The following TMEM80 variants were observed in gnomAD, a reference collection of about 807,000 sequenced individuals.
TMEM80 encodes transmembrane protein 80.
TMEM80 carries 16 observed loss-of-function variants against 13.6 expected under a neutral mutation model. That is an observed-to-expected ratio of 1.17 (90% CI 0.79 to 1.78). TMEM80 has a LOEUF of 1.78. TMEM80 is among the 40% of genes most tolerant of loss of function. TMEM80 has a pLI of 0.00. For synonymous variants in TMEM80, 92 were observed against 89.5 expected, an observed-to-expected ratio of 1.03 and a Z score of -0.16; for missense variants, 167 against 184.6, an observed-to-expected ratio of 0.90 and a Z score of 0.55.
At chr11:700,557 G>C in intron 3 of TMEM80, 58 bp from the exon 4 acceptor site, 2 of 1,343,322 alleles carry the variant, frequency 1.5e-6, no homozygotes, top group Non-Finnish European at 2.1e-6. Context: ...GGCAAGCTGA[G>C]GTGGCTGCTG....
rs1861591405 is a variant in TMEM80 at position 703,437 on chromosome 11, C to T, written c.*287C>T. 6 of 1,289,588 alleles carry T rather than the reference C, an allele frequency of 4.7e-6. No individual in the cohort carries two copies. Among genetic ancestry groups the T allele is most frequent in the Admixed American group, 4.0e-5 (1 of 24,982 alleles). The allele number at this position is 1,289,588 out of a possible 1,614,324, so 79.9% of individuals were successfully genotyped here. The stretch of plus-strand genomic sequence containing the variant: ...GCACACTCAGCCCTGTCAGTGGGGT[C>T]TGGCTTTAGCAGCCAGGCCTCCACA... On this transcript the variant is annotated 3_prime_UTR_variant, in exon 5 of 5. Transcript: ENST00000397510.
chr11:704,325 G>A (rs1040340461), downstream of TMEM80: 39 of 781,864 alleles, frequency 5.0e-5, no homozygotes, highest in Middle Eastern at 5.1e-4. Flanking sequence ...GGGCTCCCTC[G>A]GCTGGGGTGG....
At chr11:701,920 G>A (rs971567806) in intron 4 of TMEM80, among the ~76,000 whole-genome samples, 2 of 152,210 alleles carry the variant, frequency 1.3e-5, no homozygotes, top group Admixed American at 1.3e-4. Context: ...TGGCCAGCGG[G>A]GTGCAGACTT....
intron 2 of TMEM80, chr11:699,589 A>C (rs1486755209): frequency 6.5e-6 from 1 of 154,556 alleles, no homozygotes; most frequent in African/African-American, 2.4e-5. Context: ...CCTACTAAAA[A>C]TACAAAAAAT....
At chr11:704,521 C>T (rs925460347), downstream of TMEM80, 1 of 1,289,452 alleles carries the variant, frequency 7.8e-7, no homozygotes, top group Non-Finnish European at 1.0e-6. Flanking sequence ...ACCTCCCTCA[C>T]CAGCGCCTGC....
chr11:704,092 G>A lies in TMEM80; in HGVS notation c.*942G>A, dbSNP rs181408130. On this transcript the variant is annotated 3_prime_UTR_variant, in exon 5 of 5. Transcript: ENST00000397510. ...AATATCTAGATATTTTCTCTTCACCGCATTTTGTAAATAAAGAGATGTGTA... is the reference window on the plus strand; with the variant it reads ...AATATCTAGATATTTTCTCTTCACCACATTTTGTAAATAAAGAGATGTGTA... 2.5e-5 allele frequency: 27 copies of A among 1,098,500 alleles called. No homozygotes were observed. The highest frequency in any genetic ancestry group is 4.7e-5 in the Admixed American group (1 of 21,096). 68.0% of individuals were successfully genotyped at this position (1,098,500 alleles called of 1,614,324 possible). A position where few individuals can be genotyped will look rare whatever the true frequency, so the allele number is the denominator to read the frequency against.
downstream of TMEM80, chr11:704,756 A>G (rs994587520): frequency 2.8e-5 from 22 of 778,114 alleles, 1 homozygote; most frequent in African/African-American, 3.9e-4. Context: ...CCGAGAGGCC[A>G]GCCTGGACTG....
At chr11:695,790 G>A (rs1377498595), upstream of TMEM80, 2 of 1,236,186 alleles carry the variant, frequency 1.6e-6, no homozygotes, top group Non-Finnish European at 2.0e-6. Context: ...CCGAGAGGCT[G>A]CCGGGATCGC....
Position 698,881 on chromosome 11 carries a change from C to T in TMEM80, c.32C>T (p.Ser11Phe). 6.2e-7 allele frequency: 1 copy of T among 1,614,162 alleles called. No individual in the cohort carries two copies. Among genetic ancestry groups the T allele is most frequent in the Non-Finnish European group, 8.5e-7 (1 of 1,180,034 alleles). MAAPRRGRGSSTVLSSVPLQM... is the reference protein window; with the variant it reads MAAPRRGRGSFTVLSSVPLQM... ...CTTTCTCTTTCAGGGAGAGGATCCT[C>T]CACAGTGGTATCCTGCTGCGTGCCC... is the stretch of plus-strand genomic sequence containing the variant. Residue 11 changes from serine (S) to phenylalanine (F), a missense_variant, in exon 2 of 5, where the codon TCC (serine) becomes TTC (phenylalanine). Transcript: ENST00000397510.
chr11:699,021 T>A, intron 2 of TMEM80, 133 bp downstream of exon 2: 1 of 1,070,078 alleles, frequency 9.3e-7, no homozygotes, highest in Non-Finnish European at 1.4e-6. Context: ...GGGGTGTTCC[T>A]TGACAGATTT....
intron 1 of TMEM80, 96 bp downstream of exon 1, chr11:695,942 G>C: frequency 2.1e-6 from 2 of 972,700 alleles, no homozygotes; most frequent in East Asian, 6.6e-5. Flanking sequence ...GTGCGCTCAC[G>C]GGGCCGTGCC....
downstream of TMEM80, chr11:704,273 C>T (rs1177289140): frequency 6.9e-6 from 5 of 726,454 alleles, no homozygotes; most frequent in African/African-American, 1.9e-5. Flanking sequence ...TCGGTGGACT[C>T]CTGAGGGCAG....
chr11:696,075 C>T (rs1861139142), intron 1 of TMEM80, among the ~76,000 whole-genome samples: 1 of 152,030 alleles, frequency 6.6e-6, no homozygotes, highest in Non-Finnish European at 1.5e-5. Flanking sequence ...TGGCCCCGGG[C>T]AGGGTGGGTG....
At chr11:696,317 G>C (rs1310167232) in intron 1 of TMEM80, among the ~76,000 whole-genome samples, 1 of 152,082 alleles carries the variant, frequency 6.6e-6, no homozygotes, top group Admixed American at 6.6e-5. Flanking sequence ...GCCTTCTGCT[G>C]TCTGTGGGTA....
intron 2 of TMEM80, chr11:699,919 G>A: frequency 1.8e-6 from 1 of 549,258 alleles, no homozygotes; most frequent in Non-Finnish European, 3.3e-6. Context: ...CATTGTTGTG[G>A]CATGGAGGGG....
At chr11:700,954 G>T in intron 4 of TMEM80, 1 of 552,122 alleles carries the variant, frequency 1.8e-6, no homozygotes, top group Non-Finnish European at 3.2e-6. Context: ...ATGTCTTGTA[G>T]AAGCCACTGG....
rs974552648 is a variant in TMEM80, at chr11:703,610, C to G, written c.*460C>G. ...CAGTTTACTCCGTGGCCAGGCCCCA[C>G]CTGTGTTTCCAAGTCGGGCTGGAGA... On this transcript the variant is annotated 3_prime_UTR_variant, in exon 5 of 5. Transcript: ENST00000397510. 1 of 1,232,890 alleles carries G rather than the reference C, an allele frequency of 8.1e-7. No individual in the cohort carries two copies. The highest frequency in any genetic ancestry group is 4.2e-5 in the Admixed American group (1 of 23,774). 76.4% of individuals were successfully genotyped at this position (1,232,890 alleles called of 1,614,324 possible). A position where few individuals can be genotyped will look rare whatever the true frequency, so the allele number is the denominator to read the frequency against.
intron 4 of TMEM80, 21 bp from the exon 5 acceptor site, chr11:702,924 C>A: frequency 1.3e-6 from 2 of 1,497,556 alleles, no homozygotes; most frequent in Non-Finnish European, 1.8e-6. Context: ...CACCTTCCCT[C>A]CCCTTTGCTC....
In TMEM80 at chr11:703,576, C is replaced by G. The variant is rs1213251771; in HGVS notation, c.*426C>G. 29 of 1,233,234 alleles carry G rather than the reference C, an allele frequency of 2.4e-5. No individual in the cohort carries two copies. Among genetic ancestry groups the G allele is most frequent in the African/African-American group, 3.1e-5 (2 of 64,452 alleles). 76.4% of individuals were successfully genotyped at this position (1,233,234 alleles called of 1,614,324 possible). On this transcript the variant is annotated 3_prime_UTR_variant, in exon 5 of 5. Coordinates refer to ENST00000397510, the MANE Select transcript of TMEM80 (RefSeq NM_001042463.3). ...TTCCCCAATGGTCCTAATTTGTGTT[C>G]TGAGATCCCAGTTTACTCCGTGGCC...
Sources: allele counts gnomAD v4.1 joint callset (sites outside exome capture counted in the v4.1 genomes callset), GRCh38; gene constraint gnomAD v4.1.1; transcripts MANE v1.5; gene names NCBI Gene and HGNC (gene_info 2026-07-23, HGNC 2026-07-21).